The following MAP7D2 variants were observed in gnomAD, a reference collection of about 807,000 sequenced individuals.
MAP7D2 encodes MAP7 domain containing 2, also known as MAP7 domain-containing protein 2.
A neutral mutation model predicts 63.5 loss-of-function variants in MAP7D2; 33 were observed. The observed-to-expected ratio is 0.52, with a 90% CI of 0.39 to 0.70. The LOEUF (loss-of-function observed/expected upper bound fraction) is 0.70. Ranked by LOEUF, MAP7D2 falls within the 30% of genes least tolerant of loss-of-function variation. The probability of loss-of-function intolerance (pLI) is 0.00; values close to 1 mark genes in which losing one functional copy is unlikely to be tolerated. For missense variants in MAP7D2, 626 were observed against 604.0 expected, an observed-to-expected ratio of 1.04 and a Z score of -0.38; for synonymous variants, 224 against 223.7, an observed-to-expected ratio of 1.00 and a Z score of -0.01.
At chrX:20,063,160 C>A (rs1446698356) in intron 3 of MAP7D2, among the ~76,000 whole-genome samples, 1 of 112,174 alleles carries the variant, frequency 8.9e-6, no homozygotes, top group Non-Finnish European at 1.9e-5. Flanking sequence ...CAAATCAAGG[C>A]CCAGAGAAGC....
intron 8 of MAP7D2, among the ~76,000 whole-genome samples, chrX:20,033,502 C>T (rs11796633): frequency 0.048 from 5,336 of 111,678 alleles, 154 homozygotes; most frequent in Non-Finnish European, 0.072. Flanking sequence ...ATCTAGTTTT[C>T]TAAAACCCAT....
At chrX:20,052,706 G>A (rs41311495) in intron 5 of MAP7D2, among the ~76,000 whole-genome samples, 172 bp downstream of exon 5, 6,896 of 112,013 alleles carry the variant, frequency 0.062, 245 homozygotes, top group Middle Eastern at 0.12. Context: ...GCCGTGCCAC[G>A]TTCCAAAGTC....
intron 10 of MAP7D2, among the ~76,000 whole-genome samples, chrX:20,024,148 C>T (rs1035393815): frequency 8.9e-6 from 1 of 112,262 alleles, no homozygotes; most frequent in African/African-American, 3.2e-5. Flanking sequence ...ATGAGCCTAA[C>T]GGCTTCCTTT....
At chrX:20,064,857 T>C (rs771757098) in intron 1 of MAP7D2, 52 bp from the exon 2 acceptor site, 1 of 1,074,348 alleles carries the variant, frequency 9.3e-7, no homozygotes, top group South Asian at 1.9e-5. Flanking sequence ...TTTCCCTATC[T>C]GCTAAGTACT....
intron 1 of MAP7D2, among the ~76,000 whole-genome samples, chrX:20,092,500 A>G (rs1314533497): frequency 1.8e-5 from 2 of 111,989 alleles, no homozygotes; most frequent in Non-Finnish European, 3.8e-5. Context: ...CGTTCACAAG[A>G]TAGTATACAA....
chrX:20,108,651 C>G (rs1244631094), intron 1 of MAP7D2, among the ~76,000 whole-genome samples: 2 of 108,466 alleles, frequency 1.8e-5, no homozygotes, highest in African/African-American at 6.7e-5. Flanking sequence ...TTGTATTTTC[C>G]ATGTCTTTCA....
chrX:20,082,423 T>A (rs1603394635), intron 1 of MAP7D2, among the ~76,000 whole-genome samples: 2 of 111,478 alleles, frequency 1.8e-5, no homozygotes, highest in Admixed American at 1.9e-4. Flanking sequence ...GGGAGACAGG[T>A]TAAAAATGAT....
intron 1 of MAP7D2, among the ~76,000 whole-genome samples, chrX:20,067,532 A>G (rs1272517499): frequency 8.9e-6 from 1 of 111,973 alleles, no homozygotes; most frequent in African/African-American, 3.2e-5. Context: ...CAACCACCCT[A>G]TGATGACAGA....
chrX:20,102,884 A>G (rs1197773988), intron 1 of MAP7D2, among the ~76,000 whole-genome samples: 1 of 111,211 alleles, frequency 9.0e-6, no homozygotes, highest in African/African-American at 3.3e-5. Context: ...GGAGGATCAC[A>G]GCATCACAGA....
At chrX:20,086,109 G>A (rs1374095456) in intron 1 of MAP7D2, among the ~76,000 whole-genome samples, 2 of 112,555 alleles carry the variant, frequency 1.8e-5, no homozygotes, top group African/African-American at 6.5e-5. Context: ...TGTCTGTGAG[G>A]AATATGCAAA....
intron 6 of MAP7D2, chrX:20,049,916 T>A (rs113939420): frequency 0.011 from 3,436 of 299,952 alleles, 104 homozygotes; most frequent in African/African-American, 0.085. Context: ...TGGTTTTGAT[T>A]TGCATTTCCC....
chrX:20,039,577 G>A (rs1569518552), intron 8 of MAP7D2, among the ~76,000 whole-genome samples: 1 of 111,781 alleles, frequency 8.9e-6, no homozygotes, highest in Non-Finnish European at 1.9e-5. Context: ...TTGGATTGAA[G>A]GATGCAAAGT....
intron 1 of MAP7D2, among the ~76,000 whole-genome samples, chrX:20,108,733 A>C (rs2066643508): frequency 9.1e-6 from 1 of 110,173 alleles, no homozygotes. Context: ...AAAAAAAAAA[A>C]CAAAAAAACT....
chrX:20,010,225 T>C (rs1029496128), intron 16 of MAP7D2, among the ~76,000 whole-genome samples: 2 of 111,066 alleles, frequency 1.8e-5, no homozygotes, highest in African/African-American at 3.3e-5. Context: ...TTGGCAAAAA[T>C]AAAAAAAGGC....
chrX:20,089,874 T>C (rs1158608790), intron 1 of MAP7D2, among the ~76,000 whole-genome samples: 3 of 111,308 alleles, frequency 2.7e-5, no homozygotes, highest in Non-Finnish European at 5.7e-5. Flanking sequence ...CTTCCTACTA[T>C]AGTTTTCTTG....
intron 8 of MAP7D2, among the ~76,000 whole-genome samples, chrX:20,040,920 T>C (rs1450235443): frequency 2.7e-5 from 3 of 111,318 alleles, no homozygotes. Flanking sequence ...CCACAAACCT[T>C]CAATTTGTAA....
At chrX:20,029,789 A>AT (rs35905676) in intron 8 of MAP7D2, among the ~76,000 whole-genome samples, 40,908 of 102,258 alleles carry the variant, frequency 0.4, 8,686 homozygotes, top group African/African-American at 0.78. Context: ...CAAGTCATAG[A>AT]TTTTTTTTTT....
chrX:20,108,091 T>TTTTG (rs749639094), intron 1 of MAP7D2, among the ~76,000 whole-genome samples: 1 of 111,658 alleles, frequency 9.0e-6, no homozygotes, highest in Non-Finnish European at 1.9e-5. Context: ...TTTACGTTTT[T>TTTTG]TTTGTTTGTT....
intron 2 of MAP7D2, 119 bp downstream of exon 2, chrX:20,064,609 C>T: frequency 1.8e-6 from 1 of 557,987 alleles, no homozygotes; most frequent in Non-Finnish European, 3.0e-6. Context: ...CCTGATTCTT[C>T]ATGTTCATCT....
Sources: gnomAD v4.1 joint callset for allele counts (sites outside exome capture counted in the v4.1 genomes callset) on GRCh38, gnomAD v4.1.1 for gene constraint, MANE v1.5 for transcripts, NCBI Gene and HGNC (gene_info 2026-07-23, HGNC 2026-07-21) for gene names.